LIMK1: variants seen among roughly 807,000 people sequenced by gnomAD.
LIMK1 encodes LIM motif-containing protein kinase.
Under a neutral mutation model 77.6 loss-of-function variants are expected in LIMK1, and 21 were observed. That is an observed-to-expected ratio of 0.27 (90% CI 0.19 to 0.39). The LOEUF (loss-of-function observed/expected upper bound fraction) is 0.39, where lower values mean the gene tolerates loss of function less well. Ranked by LOEUF, LIMK1 falls within the 10% of genes least tolerant of loss-of-function variation. The pLI is 1.00. For synonymous variants in LIMK1, 358 were observed against 370.0 expected (o/e 0.97, Z 0.37); for missense variants, 696 against 901.6 (o/e 0.77, Z 2.92).
At position 74,121,015 on chromosome 7, in the gene LIMK1, A is replaced by G; in HGVS notation, c.1747A>G (p.Thr583Ala). 1 of 1,548,878 alleles carries G rather than the reference A, an allele frequency of 6.5e-7. No homozygotes were observed. Among genetic ancestry groups the G allele is most frequent in the Middle Eastern group, 1.7e-4 (1 of 5,722 alleles). The change falls in exon 15 of 16, where the codon ACC (threonine) becomes GCC (alanine). Residue 583 changes from threonine (T) to alanine (A), a missense_variant. Physicochemically the swap from Thr to Ala is moderately conservative, Grantham distance 58. Transcript: ENST00000336180. The part of the protein sequence containing the change: ...PNCPPSFFPI[T>A]VRCCDLDPEK... The stretch of plus-strand genomic sequence containing the variant: ...CTGCCCCCCGAGCTTCTTCCCCATC[A>G]CCGTGCGCTGTTGCGATCTGGACCC...
chr7:74,114,869 C>T (rs531934761), intron 12 of LIMK1, among the ~76,000 whole-genome samples: 2 of 147,276 alleles, frequency 1.4e-5, no homozygotes, highest in East Asian at 2.0e-4. Flanking sequence ...GAGCTGAGAT[C>T]GTGCCACTGC....
chr7:74,085,265 A>G (rs1446566056), intron 1 of LIMK1, among the ~76,000 whole-genome samples: 1 of 152,196 alleles, frequency 6.6e-6, no homozygotes, highest in Admixed American at 6.5e-5. Context: ...CGGCACCTCC[A>G]GGCTTCCTGC....
intron 13 of LIMK1, 105 bp from the exon 14 acceptor site, chr7:74,120,477 TG>T: frequency 8.1e-7 from 1 of 1,227,280 alleles, no homozygotes; most frequent in Non-Finnish European, 1.2e-6. Context: ...CTCCTGGGCC[TG>T]GACCTCCCGG....
At position 74,103,710 on chromosome 7, in the gene LIMK1, A is replaced by C. The variant is rs568227711; in HGVS notation, c.609-2165A>C. 2.6e-5 allele frequency among the ~76,000 whole-genome samples: 4 copies of C among 152,288 alleles called. No homozygotes were observed. The South Asian group carries it at 8.3e-4, about 32-fold the overall frequency. On this transcript the variant is annotated intron_variant, in intron 5 of 15. Coordinates refer to ENST00000336180, the MANE Select transcript of LIMK1 (RefSeq NM_002314.4). ...CGATTATTACTAGGGTGGCTACCAA[A>C]TGCTGAATTTCTAACTCTGTTCTTC...
chr7:74,114,491 C>A (rs1799767347), intron 12 of LIMK1, among the ~76,000 whole-genome samples: 1 of 147,734 alleles, frequency 6.8e-6, no homozygotes, highest in South Asian at 2.1e-4. Context: ...GTTGAGGCTG[C>A]AATGAGCTGT....
intron 12 of LIMK1, among the ~76,000 whole-genome samples, chr7:74,112,392 C>T (rs1245718053): frequency 2.0e-5 from 3 of 152,152 alleles, no homozygotes; most frequent in African/African-American, 4.8e-5. Context: ...GGGGCATAGG[C>T]GTATGGGCTG....
intron 1 of LIMK1, among the ~76,000 whole-genome samples, chr7:74,084,874 CT>C (rs1404515739): frequency 2.0e-5 from 3 of 152,188 alleles, no homozygotes; most frequent in Admixed American, 6.5e-5. Flanking sequence ...ACACCTCCCC[CT>C]GCCACCAACT....
chr7:74,093,245 A>G (rs1554695042), intron 2 of LIMK1: 1 of 1,535,970 alleles, frequency 6.5e-7, no homozygotes, highest in Admixed American at 2.0e-5. Flanking sequence ...GTGTAGCCAC[A>G]GAGGATGCTG....
intron 2 of LIMK1, among the ~76,000 whole-genome samples, chr7:74,095,434 G>T (rs1459270384): frequency 2.6e-5 from 4 of 152,120 alleles, no homozygotes; most frequent in African/African-American, 7.2e-5. Context: ...TAGAGAGAGG[G>T]TCTTGCTGTG....
intron 5 of LIMK1, among the ~76,000 whole-genome samples, chr7:74,100,915 A>G (rs1449969133): frequency 6.8e-6 from 1 of 146,002 alleles, no homozygotes; most frequent in Non-Finnish European, 1.5e-5. Context: ...TTTTTTTTAT[A>G]TTTAGTAGAG....
intron 3 of LIMK1, 134 bp downstream of exon 3, chr7:74,096,894 ACTGT>A (rs558675062): frequency 3.6e-5 from 44 of 1,238,780 alleles, no homozygotes; most frequent in Admixed American, 8.2e-5. Context: ...TCTGAGCCTG[ACTGT>A]CTGTCTGTAT....
intron 10 of LIMK1, chr7:74,111,284 A>G (rs1374791600): frequency 4.3e-6 from 1 of 235,122 alleles, no homozygotes; most frequent in Non-Finnish European, 8.5e-6. Flanking sequence ...TAAAAATACA[A>G]AAAATTAGCT....
At position 74,109,078 on chromosome 7, in the gene LIMK1, C is replaced by CG. The variant is rs1286942866; in HGVS notation, c.1284+45dup. ...GCCAGCCACCCCCGCTGTGCGGCCC[C>CG]GGGCAAAGCAGCTCCCTCTGTGAGC... On this transcript the variant is annotated intron_variant, in intron 10 of 15. Transcript: ENST00000336180. The CG allele has an allele frequency of 3.3e-6, 5 of 1,503,664 alleles. No individual in the cohort carries two copies. The African/African-American group carries it at 6.9e-5, about 21-fold the overall frequency. The allele number at this position is 1,503,664 out of a possible 1,614,324, so 93.1% of individuals were successfully genotyped here. A position where few individuals can be genotyped will look rare whatever the true frequency, so the allele number is the denominator to read the frequency against.
At chr7:74,106,019 G>A (rs1554697417) in intron 6 of LIMK1, 39 bp downstream of exon 6, 2 of 1,612,096 alleles carry the variant, frequency 1.2e-6, no homozygotes, top group East Asian at 2.2e-5. Flanking sequence ...GGGAGGTAGT[G>A]CCTTCATGCC....
chr7:74,116,798 C>A (rs1554699581), intron 13 of LIMK1, among the ~76,000 whole-genome samples: 1 of 151,728 alleles, frequency 6.6e-6, no homozygotes, highest in Non-Finnish European at 1.5e-5. Flanking sequence ...ACCTTCTGGG[C>A]TCAAACTGTC....
intron 2 of LIMK1, among the ~76,000 whole-genome samples, chr7:74,090,657 G>A (rs1486903481): frequency 2.0e-5 from 3 of 152,186 alleles, no homozygotes; most frequent in South Asian, 2.1e-4. Flanking sequence ...CTCATTTCAT[G>A]CACTGAGACC....
intron 2 of LIMK1, chr7:74,093,394 C>A: frequency 7.0e-7 from 1 of 1,430,424 alleles, no homozygotes; most frequent in Non-Finnish European, 9.5e-7. Context: ...TAGGTCCAGG[C>A]TCTGGGGCAG....
Position 74,107,187 on chromosome 7 carries a change from T to C in LIMK1, c.1059T>C (p.Ala353=), listed in dbSNP as rs376247842. The C allele has an allele frequency of 1.7e-5, 27 of 1,609,342 alleles. No homozygotes were observed. In the African/African-American group the frequency reaches 3.1e-4, roughly 18 times the overall value. The change falls in exon 8 of 16, where the codon GCT becomes GCC. Residue 353 remains alanine (A), a synonymous_variant. Coordinates refer to ENST00000336180, the MANE Select transcript of LIMK1 (RefSeq NM_002314.4). ...TGGGCAAGGGCTGCTTCGGCCAGGCTATCAAGGTACAGAGCATGCCAGGGT... is the reference window on the plus strand; with the variant it reads ...TGGGCAAGGGCTGCTTCGGCCAGGCCATCAAGGTACAGAGCATGCCAGGGT... The part of the protein sequence containing the change: ...EVLGKGCFGQ[A]IKVTHRETGE...
intron 12 of LIMK1, among the ~76,000 whole-genome samples, chr7:74,113,126 G>C (rs1198856584): frequency 6.6e-6 from 1 of 152,126 alleles, no homozygotes; most frequent in African/African-American, 2.4e-5. Context: ...TTTGAGACCA[G>C]CCTGGGCAAC....
Sources: gnomAD v4.1 joint callset for allele counts (sites outside exome capture counted in the v4.1 genomes callset) on GRCh38, gnomAD v4.1.1 for gene constraint, MANE v1.5 for transcripts, NCBI Gene and HGNC (gene_info 2026-07-23, HGNC 2026-07-21) for gene names.